The following SFTPC variants were observed in gnomAD, a reference collection of about 807,000 sequenced individuals.
SFTPC encodes the protein surfactant protein C, also known as BRICHOS domain containing 6.
In SFTPC, 12 loss-of-function variants were observed where a neutral mutation model predicts 19.9. The observed-to-expected ratio is 0.60, with a 90% CI of 0.39 to 0.98. SFTPC has a LOEUF of 0.98. Among genes scored for constraint, SFTPC ranks in the 50% least tolerant of loss-of-function variants. SFTPC has a pLI of 0.00. For synonymous variants in SFTPC, 123 were observed against 103.3 expected, an observed-to-expected ratio of 1.19 and a Z score of -1.16; for missense variants, 219 against 252.2, an observed-to-expected ratio of 0.87 and a Z score of 0.89.
upstream of SFTPC, among the ~76,000 whole-genome samples, chr8:22,160,216 C>T (rs1390232902): frequency 6.6e-6 from 1 of 152,118 alleles, no homozygotes; most frequent in Non-Finnish European, 1.5e-5. Context: ...GGCTGAAGGC[C>T]CTCCAGATGG....
chr8:22,161,461 A>G (rs144781155), upstream of SFTPC, among the ~76,000 whole-genome samples: 72 of 152,276 alleles, frequency 4.7e-4, no homozygotes, highest in East Asian at 0.013. Flanking sequence ...TCAGGGTGGT[A>G]GAAGAAAAAG....
At position 22,161,897 on chromosome 8, in the gene SFTPC, A is replaced by G. The variant is rs757721748; in HGVS notation, c.42+27A>G. ...TGAGTGTGGTTGCGTGTGTGTATGTATGTGTGCGCGCGCACATGTGTGTGA... is the reference window on the plus strand; with the variant it reads ...TGAGTGTGGTTGCGTGTGTGTATGTGTGTGTGCGCGCGCACATGTGTGTGA... On this transcript the variant is annotated intron_variant, in intron 1 of 5. Coordinates refer to ENST00000679463, the MANE Select transcript of SFTPC (RefSeq NM_001317778.2). 3 of 1,609,944 alleles carry G rather than the reference A, an allele frequency of 1.9e-6. No homozygotes were observed. In the South Asian group the frequency reaches 3.3e-5, roughly 18 times the overall value.
upstream of SFTPC, chr8:22,159,474 G>A (rs1004677345): frequency 9.2e-6 from 3 of 327,148 alleles, no homozygotes; most frequent in East Asian, 3.0e-4. Context: ...CCTTCTCCAA[G>A]GAACCCAAGA....
chr8:22,162,472 C>T lies in SFTPC; in HGVS notation c.43-102C>T, dbSNP rs1243821809. 5 of 1,350,994 alleles carry T rather than the reference C, an allele frequency of 3.7e-6. No individual in the cohort carries two copies. The South Asian group carries it at 4.7e-5, about 13-fold the overall frequency. The allele number at this position is 1,350,994 out of a possible 1,614,324, so 83.7% of individuals were successfully genotyped here. Reference sequence around the variant, plus strand: ...CCTGTCCATCCATCGCATCGGCTGTCCAGCCCTAGGCAGCCGTGGGAGGGT... The same window carrying T: ...CCTGTCCATCCATCGCATCGGCTGTTCAGCCCTAGGCAGCCGTGGGAGGGT... On this transcript the variant is annotated intron_variant, in intron 1 of 5. Transcript: ENST00000679463.
intron 5 of SFTPC, 82 bp from the exon 6 acceptor site, chr8:22,164,184 C>CG (rs1488447756): frequency 3.3e-6 from 5 of 1,536,528 alleles, no homozygotes; most frequent in Non-Finnish European, 4.4e-6. Flanking sequence ...CCAGGCAACT[C>CG]GGGGGAGGGG....
At chr8:22,160,571 A>G (rs1827675328), upstream of SFTPC, among the ~76,000 whole-genome samples, 1 of 152,182 alleles carries the variant, frequency 6.6e-6, no homozygotes, top group Non-Finnish European at 1.5e-5. Context: ...TGATCTCGCT[A>G]CTGCATGCCA....
Position 22,163,095 on chromosome 8 carries a change from A to G in SFTPC, c.217A>G (p.Ile73Val). 1 of 1,614,142 alleles carries G rather than the reference A, an allele frequency of 6.2e-7. No homozygotes were observed. The highest frequency in any genetic ancestry group is 8.5e-7 in the Non-Finnish European group (1 of 1,180,014). The change falls in exon 3 of 6, where the codon ATT (isoleucine) becomes GTT (valine). Residue 73 changes from isoleucine (I) to valine (V), a missense_variant. Ile to Val is a conservative substitution (Grantham distance 29, BLOSUM62 3). Coordinates refer to ENST00000679463, the MANE Select transcript of SFTPC (RefSeq NM_001317778.2). ...KHTEMVLEMS[I>V]GAPEAQQRLA... ...CTTTCCCCAGGTTCTGGAGATGAGC[A>G]TTGGGGCGCCGGAAGCCCAGCAACG...
upstream of SFTPC, among the ~76,000 whole-genome samples, chr8:22,160,930 G>A (rs1827690846): frequency 1.3e-5 from 2 of 152,172 alleles, no homozygotes. Flanking sequence ...TGCAGAAAGG[G>A]GAGTCTAGAG....
At chr8:22,160,260 C>T (rs895570417), upstream of SFTPC, among the ~76,000 whole-genome samples, 2 of 151,798 alleles carry the variant, frequency 1.3e-5, no homozygotes, top group Non-Finnish European at 2.9e-5. Flanking sequence ...AGCTCATGAC[C>T]GAAGGGCAGG....
At chr8:22,164,226 G>A (rs1827936473) in intron 5 of SFTPC, 40 bp from the exon 6 acceptor site, 9 of 1,535,854 alleles carry the variant, frequency 5.9e-6, no homozygotes, top group Non-Finnish European at 7.8e-6. Flanking sequence ...CCACTCCCCT[G>A]ATTCTCTCTG....
chr8:22,163,832 T>TC lies in SFTPC; in HGVS notation c.436-66dup, dbSNP rs755608045. 4.3e-6 allele frequency: 6 copies of TC among 1,384,782 alleles called. No individual in the cohort carries two copies. In the Admixed American group the frequency reaches 1.0e-4, roughly 23 times the overall value. The allele number at this position is 1,384,782 out of a possible 1,614,324, so 85.8% of individuals were successfully genotyped here. ...GAGAGATTGCCTGATATACCTGAAG[T>TC]CCCACAATAAGGGCTGCACATGGGA... On this transcript the variant is annotated intron_variant, in intron 4 of 5. Transcript: ENST00000679463.
upstream of SFTPC, chr8:22,159,409 G>A (rs1469571543): frequency 3.4e-6 from 1 of 296,594 alleles, no homozygotes; most frequent in Non-Finnish European, 6.5e-6. Context: ...TGCAGACAGG[G>A]CTGGTAGGGG....
chr8:22,164,193 G>A, intron 5 of SFTPC, 73 bp from the exon 6 acceptor site: 1 of 1,534,842 alleles, frequency 6.5e-7, no homozygotes, highest in Middle Eastern at 1.7e-4. Flanking sequence ...TCGGGGGAGG[G>A]GAAGCTCACA....
upstream of SFTPC, chr8:22,158,663 C>T (rs549627503): frequency 6.6e-6 from 1 of 152,216 alleles, no homozygotes; most frequent in Non-Finnish European, 1.5e-5. Context: ...CTATTAGGTC[C>T]TCATAATAGC....
intron 1 of SFTPC, 67 bp downstream of exon 1, chr8:22,161,937 T>C: frequency 6.8e-7 from 1 of 1,475,970 alleles, no homozygotes. Flanking sequence ...CCCTGCCTCC[T>C]CTATCCTCCC....
chr8:22,164,469 T>G lies in SFTPC; in HGVS notation c.*222T>G, dbSNP rs1355168373. 1.4e-6 allele frequency: 2 copies of G among 1,453,608 alleles called. No individual in the cohort carries two copies. Among genetic ancestry groups the G allele is most frequent in the Non-Finnish European group, 1.8e-6 (2 of 1,110,052 alleles). The allele number at this position is 1,453,608 out of a possible 1,614,324, so 90.0% of individuals were successfully genotyped here. On this transcript the variant is annotated 3_prime_UTR_variant, in exon 6 of 6. Transcript: ENST00000679463. Reference sequence around the variant, plus strand: ...CCACAACAGAATAAAGCAGCCTGATTGAAAAGCAAAGGGTCTGCTTCTGTC... The same window carrying G: ...CCACAACAGAATAAAGCAGCCTGATGGAAAAGCAAAGGGTCTGCTTCTGTC...
upstream of SFTPC, chr8:22,159,624 G>A (rs1416576158): frequency 2.2e-5 from 10 of 461,336 alleles, no homozygotes; most frequent in East Asian, 1.4e-4. Context: ...TACAGCCTAA[G>A]GGCAACAGGC....
chr8:22,157,662 A>T (rs1179896047), upstream of SFTPC: 1 of 152,184 alleles, frequency 6.6e-6, no homozygotes, highest in Non-Finnish European at 1.5e-5. Flanking sequence ...AGAACCTTTC[A>T]GGAAGTCTCT....
At chr8:22,163,400 G>T in intron 3 of SFTPC, 36 bp from the exon 4 acceptor site, 1 of 1,579,480 alleles carries the variant, frequency 6.3e-7, no homozygotes. Flanking sequence ...GAGCAGGGCA[G>T]GGACCCCCGA....
Sources: gnomAD v4.1 joint callset for allele counts (sites outside exome capture counted in the v4.1 genomes callset) on GRCh38, gnomAD v4.1.1 for gene constraint, MANE v1.5 for transcripts, NCBI Gene and HGNC (gene_info 2026-07-23, HGNC 2026-07-21) for gene names.